The following MYO5A variants were observed in gnomAD, a reference collection of about 807,000 sequenced individuals.
MYO5A encodes myosin VA.
In MYO5A, 98 loss-of-function variants were observed where a neutral mutation model predicts 249.7. The ratio of observed to expected loss-of-function variants is 0.39; its 90% CI spans 0.33 to 0.46. The LOEUF (loss-of-function observed/expected upper bound fraction) is 0.46, where lower values mean the gene tolerates loss of function less well. Ranked by LOEUF, MYO5A falls within the 20% of genes least tolerant of loss-of-function variation. The pLI, the probability that MYO5A is intolerant of heterozygous loss-of-function variation, is 0.98. For synonymous variants in MYO5A, 778 were observed against 810.6 expected (o/e 0.96, Z 0.68); for missense variants, 1,696 against 2,308.8 (o/e 0.73, Z 5.44).
chr15:52,309,149 G>A lies in MYO5A; in HGVS notation c.*4547C>T, dbSNP rs2037704507. Reference sequence around the variant, plus strand: ...CTCCAATAAAGACTCTGATGGGTGTGGGGAGAGTAACTTTCCTCTTAATTT... The same window carrying A: ...CTCCAATAAAGACTCTGATGGGTGTAGGGAGAGTAACTTTCCTCTTAATTT... On this transcript the variant is annotated 3_prime_UTR_variant, in exon 42 of 42. Transcript: ENST00000399233. The A allele has an allele frequency of 6.6e-6, 1 of 152,270 alleles. No homozygotes were observed. The highest frequency in any genetic ancestry group is 2.4e-5 in the African/African-American group (1 of 41,438). The allele number at this position is 152,270 out of a possible 1,614,324, so 9.4% of individuals were successfully genotyped here. A position where few individuals can be genotyped will look rare whatever the true frequency, so the allele number is the denominator to read the frequency against.
intron 27 of MYO5A, 93 bp downstream of exon 27, chr15:52,353,512 C>A (rs970906474): frequency 1.9e-6 from 2 of 1,071,276 alleles, no homozygotes; most frequent in Non-Finnish European, 2.9e-6. Flanking sequence ...AATCTCCAAC[C>A]CTTAAGGATG....
intron 1 of MYO5A, among the ~76,000 whole-genome samples, chr15:52,467,138 G>A (rs776440069): frequency 2.2e-4 from 33 of 152,134 alleles, no homozygotes; most frequent in Non-Finnish European, 3.5e-4. Flanking sequence ...GTATTATGGC[G>A]CCCTCAAAGG....
At position 52,342,669 on chromosome 15, in the gene MYO5A, C is replaced by T. The variant is rs116267682; in HGVS notation, c.4040+448G>A. 5.1e-3 allele frequency among the ~76,000 whole-genome samples: 774 copies of T among 152,152 alleles called. 5 individuals are homozygous for T. Among genetic ancestry groups the T allele is most frequent in the African/African-American group, 0.017 (725 of 41,514 alleles). On this transcript the variant is annotated intron_variant, in intron 31 of 41. Coordinates refer to ENST00000399233, the MANE Select transcript of MYO5A (RefSeq NM_001382347.1). ...GTGGCTGACGCCTGTAATCCCAATACTTTGAGAGGCTCAGGTGGGCGCATC... is the reference window on the plus strand; with the variant it reads ...GTGGCTGACGCCTGTAATCCCAATATTTTGAGAGGCTCAGGTGGGCGCATC...
chr15:52,330,002 T>TA (rs1567024742), intron 35 of MYO5A, among the ~76,000 whole-genome samples: 1 of 150,688 alleles, frequency 6.6e-6, no homozygotes, highest in Non-Finnish European at 1.5e-5. Flanking sequence ...TTTTTTTTTT[T>TA]AAAGTACTAG....
rs765527284 is a variant in MYO5A, at chr15:52,327,894, C to T, written c.4668G>A (p.Ser1556=). 2.4e-5 allele frequency: 39 copies of T among 1,613,830 alleles called. No homozygotes were observed. The highest frequency in any genetic ancestry group is 1.6e-4 in the Middle Eastern group (1 of 6,084). ...DYLNDDQKVR[S]LLTSTINSIK... ...TGCTGTTAATTGTTGATGTTAGCAA[C>T]GACCTTACTTTCTGATCATCATTCA... Residue 1556 remains serine (S), a synonymous_variant, in exon 36 of 42, where the codon TCG becomes TCA. Transcript: ENST00000399233.
In MYO5A at chr15:52,311,963, A is replaced by G. The variant is rs1427072615; in HGVS notation, c.*1733T>C. The G allele has an allele frequency of 1.3e-5, 2 of 152,664 alleles. No individual in the cohort carries two copies. Among genetic ancestry groups the G allele is most frequent in the African/African-American group, 4.8e-5 (2 of 41,450 alleles). The allele number at this position is 152,664 out of a possible 1,614,324, so 9.5% of individuals were successfully genotyped here. A position where few individuals can be genotyped will look rare whatever the true frequency, so the allele number is the denominator to read the frequency against. Reference sequence around the variant, plus strand: ...GATTTATAGACCATCTAACAGTTAAATTTATATAACCTATGATTGTAATTC... The same window carrying G: ...GATTTATAGACCATCTAACAGTTAAGTTTATATAACCTATGATTGTAATTC... On this transcript the variant is annotated 3_prime_UTR_variant, in exon 42 of 42. Transcript: ENST00000399233.
At chr15:52,338,167 ACCT>A (rs1415544558) in intron 32 of MYO5A, among the ~76,000 whole-genome samples, 1 of 137,550 alleles carries the variant, frequency 7.3e-6, no homozygotes, top group Non-Finnish European at 1.6e-5. Flanking sequence ...CCCTCCTCCA[ACCT>A]CCTGCCTTTT....
chr15:52,396,226 C>G (rs2042479212), intron 11 of MYO5A, 90 bp downstream of exon 11: 6 of 821,390 alleles, frequency 7.3e-6, no homozygotes, highest in Non-Finnish European at 1.2e-5. Context: ...TAATTCACAA[C>G]TTCATTCCAG....
intron 1 of MYO5A, among the ~76,000 whole-genome samples, chr15:52,510,496 T>C (rs2077367435): frequency 6.6e-6 from 1 of 152,186 alleles, no homozygotes; most frequent in African/African-American, 2.4e-5. Context: ...TACCAGTCCC[T>C]GGCCTGTTAG....
intron 33 of MYO5A, 130 bp downstream of exon 33, chr15:52,337,680 G>A (rs1567031477): frequency 3.3e-6 from 2 of 602,280 alleles, no homozygotes; most frequent in East Asian, 2.8e-5. Flanking sequence ...GACAGCTGTG[G>A]GGAGAAACAG....
rs61604681 is a variant in MYO5A, at chr15:52,401,074, C to CTT, written c.1054-3610_1054-3609dup. 8.7e-3 allele frequency among the ~76,000 whole-genome samples: 1,176 copies of CTT among 135,918 alleles called. 22 individuals carry two copies. Among genetic ancestry groups the CTT allele is most frequent in the East Asian group, 0.02 (95 of 4,690 alleles). 89.2% of individuals were successfully genotyped at this position (135,918 alleles called of 152,430 possible). ...ACTGGCAACAGCAGATTCTCATAAG[C>CTT]TTTTTTTTTTTTTTTTGAGACAGTC... On this transcript the variant is annotated intron_variant, in intron 9 of 41. Coordinates refer to ENST00000399233, the MANE Select transcript of MYO5A (RefSeq NM_001382347.1).
intron 31 of MYO5A, 80 bp downstream of exon 31, chr15:52,343,037 A>T: frequency 9.1e-7 from 1 of 1,103,218 alleles, no homozygotes; most frequent in African/African-American, 1.5e-5. Context: ...CAAGAAATAC[A>T]GGGGTGAAAG....
intron 1 of MYO5A, among the ~76,000 whole-genome samples, chr15:52,462,496 T>G (rs1041081641): frequency 6.6e-6 from 1 of 151,626 alleles, no homozygotes; most frequent in Non-Finnish European, 1.5e-5. Context: ...TGGCCATGCT[T>G]GCACCTTGAT....
intron 38 of MYO5A, among the ~76,000 whole-genome samples, chr15:52,320,663 G>A (rs760946009): frequency 6.6e-6 from 1 of 152,162 alleles, no homozygotes; most frequent in Non-Finnish European, 1.5e-5. Context: ...AAGAAGTTGT[G>A]GAAACATGGA....
chr15:52,373,239 G>T (rs529581328), intron 20 of MYO5A, among the ~76,000 whole-genome samples: 1 of 151,978 alleles, frequency 6.6e-6, no homozygotes, highest in Admixed American at 6.6e-5. Context: ...ATTTGTTGTC[G>T]CTAAAGAGCA....
chr15:52,492,155 T>C (rs1222515605), intron 1 of MYO5A, among the ~76,000 whole-genome samples: 4 of 152,202 alleles, frequency 2.6e-5, no homozygotes, highest in Non-Finnish European at 4.4e-5. Flanking sequence ...TAAGTGCTTA[T>C]GTTAGAGATA....
intron 3 of MYO5A, 140 bp downstream of exon 3, chr15:52,428,258 T>C (rs1389977926): frequency 2.3e-6 from 2 of 874,110 alleles, no homozygotes; most frequent in East Asian, 5.2e-5. Flanking sequence ...ACTTGGTAAA[T>C]CTTTCTGATA....
At chr15:52,325,955 A>G (rs1453037942) in intron 36 of MYO5A, among the ~76,000 whole-genome samples, 2 of 152,236 alleles carry the variant, frequency 1.3e-5, no homozygotes, top group East Asian at 1.9e-4. Flanking sequence ...TTCCTACTCT[A>G]TCCCATAGAG....
intron 18 of MYO5A, among the ~76,000 whole-genome samples, 178 bp downstream of exon 18, chr15:52,379,447 G>A (rs964063380): frequency 6.6e-6 from 1 of 152,174 alleles, no homozygotes; most frequent in African/African-American, 2.4e-5. Context: ...TCTGCCTCCT[G>A]ACGGTGGACT....
Sources: gnomAD v4.1 joint callset for allele counts (sites outside exome capture counted in the v4.1 genomes callset) on GRCh38, gnomAD v4.1.1 for gene constraint, MANE v1.5 for transcripts, NCBI Gene and HGNC (gene_info 2026-07-23, HGNC 2026-07-21) for gene names.